The following DNAH17 variants were observed in gnomAD, a reference collection of about 807,000 sequenced individuals.
The protein encoded by DNAH17 is axonemal beta dynein heavy chain 17.
Under a neutral mutation model 485.6 loss-of-function variants are expected in DNAH17, and 376 were observed. That is an observed-to-expected ratio of 0.77 (90% CI 0.71 to 0.84). The LOEUF (loss-of-function observed/expected upper bound fraction) is 0.84. Ranked by LOEUF, DNAH17 falls within the 40% of genes least tolerant of loss-of-function variation. The probability of loss-of-function intolerance (pLI) is 0.00; values close to 1 mark genes in which losing one functional copy is unlikely to be tolerated. For missense variants in DNAH17, 6,370 were observed against 5,839.3 expected (o/e 1.09, Z -2.96); for synonymous variants, 3,031 against 2,405.9 (o/e 1.26, Z -7.60).
At chr17:78,429,535 A>G (rs542820161) in intron 75 of DNAH17, among the ~76,000 whole-genome samples, 3 of 152,072 alleles carry the variant, frequency 2.0e-5, no homozygotes, top group East Asian at 1.9e-4. Context: ...CTTCTCTCAC[A>G]AGGGGCTGTG....
At chr17:78,561,005 G>C (rs532876662) in intron 12 of DNAH17, 70 bp from the exon 13 acceptor site, 1 of 1,434,108 alleles carries the variant, frequency 7.0e-7, no homozygotes, top group Non-Finnish European at 9.4e-7. Context: ...ACGTCCCATC[G>C]TTGCTGCCCG....
At chr17:78,545,408 T>C (rs2091732111) in intron 16 of DNAH17, among the ~76,000 whole-genome samples, 1 of 152,166 alleles carries the variant, frequency 6.6e-6, no homozygotes. Context: ...GGTTTAGAGG[T>C]TAGAAATCTG....
Position 78,426,291 on chromosome 17 carries a change from T to C in DNAH17, c.12915+166A>G, listed in dbSNP as rs72914882. Among the ~76,000 whole-genome samples, 23,772 of 152,046 alleles carry C rather than the reference T, an allele frequency of 0.16. 1,989 individuals carry two copies. The highest frequency in any genetic ancestry group is 0.2 in the Middle Eastern group (58 of 294). On this transcript the variant is annotated intron_variant, in intron 79 of 80. Coordinates refer to ENST00000389840, the MANE Select transcript of DNAH17 (RefSeq NM_173628.4). ...GGAGGAAATGGCTGCACTGTCAGGG[T>C]GTGGGAGGGGCATGGGCTAGGCCCT... is the stretch of plus-strand genomic sequence containing the variant.
Position 78,485,731 on chromosome 17 carries a change from G to C in DNAH17, c.7302C>G (p.Thr2434=), listed in dbSNP as rs774051906. The part of the protein sequence containing the change: ...LQASLVHTTE[T]IRIRYFMDLL... The stretch of plus-strand genomic sequence containing the variant: ...GGTCCATGAAGTAGCGGATGCGGAT[G>C]GTTTCCGTGGTGTGGACCAAAGAGG... The change falls in exon 47 of 81, where the codon ACC becomes ACG. Residue 2434 remains threonine, a synonymous_variant. Coordinates refer to ENST00000389840, the MANE Select transcript of DNAH17 (RefSeq NM_173628.4). 6 of 1,613,992 alleles carry C rather than the reference G, an allele frequency of 3.7e-6. No individual in the cohort carries two copies. The highest frequency in any genetic ancestry group is 5.1e-6 in the Non-Finnish European group (6 of 1,179,884).
chr17:78,434,098 G>A lies in DNAH17; in HGVS notation c.12156C>T (p.Tyr4052=), dbSNP rs1407466615. The A allele has an allele frequency of 5.6e-6, 9 of 1,613,640 alleles. No individual in the cohort carries two copies. Among genetic ancestry groups the A allele is most frequent in the Non-Finnish European group, 7.6e-6 (9 of 1,179,822 alleles). ...TGGTGAGGTCCCCGTTGTTGAAGGG[G>A]TACGACCGGTTCCAGCCCTGGGCGC... ...KFGAQGWNRS[Y]PFNNGDLTIS... is the part of the protein sequence containing the mutation. Residue 4052 remains tyrosine (Y), a synonymous_variant, in exon 75 of 81, where the codon TAC becomes TAT. Coordinates refer to ENST00000389840, the MANE Select transcript of DNAH17 (RefSeq NM_173628.4).
In DNAH17 at chr17:78,572,621, T is replaced by C. The variant is rs1486610786; in HGVS notation, c.539+80A>G. 5 of 1,139,294 alleles carry C rather than the reference T, an allele frequency of 4.4e-6. No individual in the cohort carries two copies. In the South Asian group the frequency reaches 6.2e-5, roughly 14 times the overall value. 70.6% of individuals were successfully genotyped at this position (1,139,294 alleles called of 1,614,324 possible). On this transcript the variant is annotated intron_variant, in intron 3 of 80. Transcript: ENST00000389840. ...AGGGAAACAACGGGTCGGAGTGGGG[T>C]GGAGTGGGGTGGGGGGTGGGGGTCA...
In DNAH17 at chr17:78,459,154, C is replaced by T. The variant is rs148112865; in HGVS notation, c.9708G>A (p.Thr3236=). Residue 3236 remains threonine, a synonymous_variant, in exon 61 of 81, where the codon ACG becomes ACA. Transcript: ENST00000389840. The part of the protein sequence containing the change: ...FDPEFIRSKS[T]AAAGLCSWCI... The stretch of plus-strand genomic sequence containing the variant: ...ACCAGGAGCACAGGCCGGCGGCGGC[C>T]GTGGACTTGGAGCGGATGAACTCGG... 1.6e-4 allele frequency: 262 copies of T among 1,613,982 alleles called. No individual in the cohort carries two copies. The African/African-American group carries it at 2.0e-3, about 13-fold the overall frequency.
intron 62 of DNAH17, among the ~76,000 whole-genome samples, chr17:78,457,065 G>A (rs952620303): frequency 3.9e-5 from 6 of 152,238 alleles, no homozygotes; most frequent in Admixed American, 3.3e-4. Flanking sequence ...TCTGAGATGT[G>A]CTCTGTGTTA....
rs777180173 is a variant in DNAH17 at position 78,475,469 on chromosome 17, C to A, written c.8320G>T (p.Val2774Leu). Residue 2774 changes from valine to leucine, a missense_variant and splice_region_variant, in exon 54 of 81, where the codon GTG (valine) becomes TTG (leucine). By Grantham distance (32) the Val-to-Leu change is conservative (BLOSUM62 1). Transcript: ENST00000389840. ...TGAGCCACGGCGTCCTCAAACAGCA[C>A]CTGCAGAAACCGGAGAGATCCCACA... is the stretch of plus-strand genomic sequence containing the variant. ...YNEVNAVMNL[V>L]LFEDAVAHIC... 2 of 1,613,738 alleles carry A rather than the reference C, an allele frequency of 1.2e-6. No individual in the cohort carries two copies. The highest frequency in any genetic ancestry group is 4.5e-5 in the East Asian group (2 of 44,878).
chr17:78,453,894 G>GAC (rs566500555), intron 64 of DNAH17, among the ~76,000 whole-genome samples: 4 of 152,114 alleles, frequency 2.6e-5, no homozygotes, highest in African/African-American at 9.6e-5. Context: ...TTGTTGGAGA[G>GAC]ACAAGGTCTC....
rs546958408 is a variant in DNAH17, at chr17:78,458,775, G to A, written c.9862-95C>T. The stretch of plus-strand genomic sequence containing the variant: ...GGGCTGGGCCCTGTGAGCGCTGAGC[G>A]TGGAAGAGGCTCCCACAAAGGCTGA... On this transcript the variant is annotated intron_variant, in intron 61 of 80. Coordinates refer to ENST00000389840, the MANE Select transcript of DNAH17 (RefSeq NM_173628.4). The A allele has an allele frequency of 3.8e-5, 46 of 1,225,072 alleles. No individual in the cohort carries two copies. The East Asian group carries it at 4.9e-4, about 13-fold the overall frequency. The allele number at this position is 1,225,072 out of a possible 1,614,324, so 75.9% of individuals were successfully genotyped here. A position where few individuals can be genotyped will look rare whatever the true frequency, so the allele number is the denominator to read the frequency against.
At chr17:78,431,613 C>T (rs1013084252) in intron 75 of DNAH17, among the ~76,000 whole-genome samples, 5 of 152,088 alleles carry the variant, frequency 3.3e-5, no homozygotes, top group South Asian at 2.1e-4. Flanking sequence ...CTAAACAGGC[C>T]GTGGACACAG....
chr17:78,438,714 G>C (rs560444878), intron 73 of DNAH17, among the ~76,000 whole-genome samples: 1 of 151,836 alleles, frequency 6.6e-6, no homozygotes, highest in Non-Finnish European at 1.5e-5. Flanking sequence ...GGTCAGGCTG[G>C]TCTCGAACTC....
Position 78,569,545 on chromosome 17 carries a change from C to G in DNAH17, c.1045-18G>C, listed in dbSNP as rs1414538572. 2 of 1,595,246 alleles carry G rather than the reference C, an allele frequency of 1.3e-6. No homozygotes were observed. The highest frequency in any genetic ancestry group is 1.7e-6 in the Non-Finnish European group (2 of 1,171,194). ...GTTCGTGTCTGGGCAAAAGAGAAGA[C>G]AGACATCTAAAGCTCCGACAAGCCA... On this transcript the variant is annotated intron_variant, in intron 7 of 80. Coordinates refer to ENST00000389840, the MANE Select transcript of DNAH17 (RefSeq NM_173628.4).
In DNAH17 at chr17:78,462,860, T is replaced by TGC; in HGVS notation, c.9156_9157dup (p.Gln3053ArgfsTer11). The TGC allele has an allele frequency of 1.9e-6, 3 of 1,613,980 alleles. No homozygotes were observed. The highest frequency in any genetic ancestry group is 2.5e-6 in the Non-Finnish European group (3 of 1,179,876). On this transcript the variant is annotated frameshift_variant, in exon 57 of 81. Transcript: ENST00000389840. LOFTEE classifies it high-confidence loss of function. Reference sequence around the variant, plus strand: ...CTCTCCTACCTGGGAAGCCGTGCTCTGCAGCTTCATCAGGCCGTTCTCCAG... The same window carrying TGC: ...CTCTCCTACCTGGGAAGCCGTGCTCTGCGCAGCTTCATCAGGCCGTTCTCCAG...
At chr17:78,480,410 T>C (rs1414414445) in intron 49 of DNAH17, among the ~76,000 whole-genome samples, 1 of 152,200 alleles carries the variant, frequency 6.6e-6, no homozygotes, top group East Asian at 1.9e-4. Flanking sequence ...GTAACATACT[T>C]AGACTAAAAA....
chr17:78,428,563 C>T lies in DNAH17; in HGVS notation c.12550G>A (p.Asp4184Asn), dbSNP rs1568037423. 1 of 1,613,656 alleles carries T rather than the reference C, an allele frequency of 6.2e-7. No homozygotes were observed. The highest frequency in any genetic ancestry group is 8.5e-7 in the Non-Finnish European group (1 of 1,179,790). The change falls in exon 77 of 81, where the codon GAC (aspartate) becomes AAC (asparagine). Residue 4184 changes from aspartate to asparagine, a missense_variant. By Grantham distance (23) the Asp-to-Asn change is conservative. Coordinates refer to ENST00000389840, the MANE Select transcript of DNAH17 (RefSeq NM_173628.4). ...GACACTCCCGTGCCTGCCCCCGAGT[C>T]CGTCTCTTTTGGCTGCATTTCCAGG... Reference protein sequence around the residue: ...TVLEMQPKETDSGAGTGVSRE... With the variant: ...TVLEMQPKETNSGAGTGVSRE...
rs1299078824 is a variant in DNAH17, at chr17:78,454,654, C to T, written c.10222G>A (p.Asp3408Asn). ...GLDPLSLLTD[D>N]ADVATWNNQG... ...TTGTTCCAGGTGGCCACGTCCGCGT[C>T]ATCTGTCAGCAGGCTCAAGGGATCC... is the stretch of plus-strand genomic sequence containing the variant. Residue 3408 changes from aspartate (D) to asparagine (N), a missense_variant, in exon 64 of 81, where the codon GAC (aspartate) becomes AAC (asparagine). Coordinates refer to ENST00000389840, the MANE Select transcript of DNAH17 (RefSeq NM_173628.4). 1 of 1,613,018 alleles carries T rather than the reference C, an allele frequency of 6.2e-7. No individual in the cohort carries two copies. The highest frequency in any genetic ancestry group is 8.5e-7 in the Non-Finnish European group (1 of 1,179,878).
chr17:78,558,421 G>A (rs1448040567), intron 13 of DNAH17, among the ~76,000 whole-genome samples, 167 bp from the exon 14 acceptor site: 2 of 142,586 alleles, frequency 1.4e-5, no homozygotes, highest in Non-Finnish European at 3.1e-5. Flanking sequence ...TTTTCACCCT[G>A]TTGGCTGATC....
Sources: allele counts gnomAD v4.1 joint callset (sites outside exome capture counted in the v4.1 genomes callset), GRCh38; gene constraint gnomAD v4.1.1; transcripts MANE v1.5; gene names NCBI Gene and HGNC (gene_info 2026-07-23, HGNC 2026-07-21).